POLA1: variants seen among roughly 807,000 people sequenced by gnomAD.
The protein encoded by POLA1 is DNA polymerase alpha catalytic subunit.
Under a neutral mutation model 124.0 loss-of-function variants are expected in POLA1, and 15 were observed. The observed-to-expected ratio is 0.12, with a 90% CI of 0.08 to 0.19. The LOEUF (loss-of-function observed/expected upper bound fraction) is 0.19, where lower values mean the gene tolerates loss of function less well. Among genes scored for constraint, POLA1 ranks in the 10% least tolerant of loss-of-function variants. The pLI, the probability that POLA1 is intolerant of heterozygous loss-of-function variation, is 1.00. For synonymous variants in POLA1, 408 were observed against 389.4 expected, an observed-to-expected ratio of 1.05 and a Z score of -0.56; for missense variants, 886 against 1,103.4, an observed-to-expected ratio of 0.80 and a Z score of 2.79.
At chrX:24,842,466 G>A (rs992818678) in intron 33 of POLA1, among the ~76,000 whole-genome samples, 4 of 112,374 alleles carry the variant, frequency 3.6e-5, no homozygotes, top group African/African-American at 1.3e-4. Flanking sequence ...AAAGGAATAG[G>A]CAGCAGAACT....
chrX:24,928,402 T>C (rs940779963), intron 35 of POLA1, among the ~76,000 whole-genome samples: 8 of 112,243 alleles, frequency 7.1e-5, no homozygotes, highest in African/African-American at 2.3e-4. Flanking sequence ...GCGCTTATTA[T>C]GGGTCAACAG....
chrX:24,775,875 T>G (rs1436636105), intron 26 of POLA1, among the ~76,000 whole-genome samples: 1 of 111,716 alleles, frequency 9.0e-6, no homozygotes, highest in Non-Finnish European at 1.9e-5. Context: ...AACCTTCTAG[T>G]CCAGCCCCCT....
In POLA1 at chrX:24,717,335, G is replaced by T; in HGVS notation, c.752G>T (p.Gly251Val). ...AGTACAGAAGAAGAGCAGGAGTCAG[G>T]GGCAATGGAGTTTGAAGATGGTGAC... ...VESTEEEQES[G>V]AMEFEDGDFD... Residue 251 changes from glycine to valine, a missense_variant, in exon 9 of 37, where the codon GGG becomes GTG. Around this residue, in one of 7 missense-constraint regions of POLA1, gnomAD observed 337 missense variants for 402.8 expected, o/e 0.84. Coordinates refer to ENST00000379068, the MANE Select transcript of POLA1 (RefSeq NM_001330360.2). 1 of 1,210,173 alleles carries T rather than the reference G, an allele frequency of 8.3e-7. No homozygotes were observed. Among genetic ancestry groups the T allele is most frequent in the Non-Finnish European group, 1.1e-6 (1 of 894,347 alleles).
chrX:24,885,993 A>C (rs892369439), intron 34 of POLA1, among the ~76,000 whole-genome samples: 2 of 112,448 alleles, frequency 1.8e-5, no homozygotes, highest in Non-Finnish European at 3.8e-5. Flanking sequence ...TAAATCAAGA[A>C]GATGTTGTAA....
intron 32 of POLA1, among the ~76,000 whole-genome samples, chrX:24,832,760 G>C (rs1312078832): frequency 8.9e-6 from 1 of 111,775 alleles, no homozygotes; most frequent in African/African-American, 3.2e-5. Context: ...TTATATATGT[G>C]TATGAATAAA....
intron 26 of POLA1, among the ~76,000 whole-genome samples, chrX:24,757,936 G>T (rs962999729): frequency 2.7e-5 from 3 of 111,802 alleles, no homozygotes; most frequent in Non-Finnish European, 5.6e-5. Flanking sequence ...ATTTAAGTAA[G>T]TGGCATTTTA....
Position 24,960,411 on chromosome X carries a change from T to A in POLA1, c.4261+29862T>A, listed in dbSNP as rs184733862. On this transcript the variant is annotated intron_variant, in intron 36 of 36. Coordinates refer to ENST00000379068, the MANE Select transcript of POLA1 (RefSeq NM_001330360.2). ...GTGTTAGTGGGCACTCTGAGGAGAT[T>A]GAAGTGGCTTCGAGGACCCAGCCCC... 2.7e-3 allele frequency among the ~76,000 whole-genome samples: 306 copies of A among 111,891 alleles called. 2 individuals are homozygous for A. Among genetic ancestry groups the A allele is most frequent in the African/African-American group, 9.3e-3 (287 of 30,778 alleles).
At chrX:24,710,253 C>A (rs1929312724) in intron 4 of POLA1, among the ~76,000 whole-genome samples, 1 of 111,465 alleles carries the variant, frequency 9.0e-6, no homozygotes, top group Non-Finnish European at 1.9e-5. Flanking sequence ...AATGGAAGCC[C>A]TGTACCCATT....
intron 34 of POLA1, among the ~76,000 whole-genome samples, chrX:24,847,259 C>T (rs986976960): frequency 2.7e-5 from 3 of 111,750 alleles, no homozygotes; most frequent in African/African-American, 9.8e-5. Context: ...ACATTCATCT[C>T]AAGTACTGTT....
chrX:24,791,228 A>C (rs1430729793), intron 26 of POLA1, among the ~76,000 whole-genome samples: 1 of 111,178 alleles, frequency 9.0e-6, no homozygotes, highest in Non-Finnish European at 1.9e-5. Flanking sequence ...GACCTGTGTC[A>C]TCTATCCTCA....
intron 36 of POLA1, among the ~76,000 whole-genome samples, chrX:24,962,584 T>C (rs1261867402): frequency 1.8e-5 from 2 of 111,981 alleles, no homozygotes; most frequent in East Asian, 5.6e-4. Context: ...CTGAGGTTGG[T>C]ACTATAATTA....
intron 32 of POLA1, among the ~76,000 whole-genome samples, chrX:24,829,065 T>C (rs927755859): frequency 3.6e-5 from 4 of 111,348 alleles, no homozygotes; most frequent in Non-Finnish European, 7.5e-5. Flanking sequence ...CTTCAGAAGT[T>C]TCATGTTTTA....
chrX:24,951,992 C>T (rs1007220342), intron 36 of POLA1, among the ~76,000 whole-genome samples: 1 of 111,872 alleles, frequency 8.9e-6, no homozygotes, highest in Non-Finnish European at 1.9e-5. Flanking sequence ...AGTTTCCACT[C>T]GCATGCAAAA....
chrX:24,795,558 G>A (rs1455241362), intron 26 of POLA1, among the ~76,000 whole-genome samples: 1 of 111,525 alleles, frequency 9.0e-6, no homozygotes, highest in Non-Finnish European at 1.9e-5. Flanking sequence ...CTTTATCTGG[G>A]TACAGACATG....
intron 26 of POLA1, among the ~76,000 whole-genome samples, chrX:24,795,662 AT>A (rs35044901): frequency 4.9e-3 from 464 of 93,924 alleles, no homozygotes; most frequent in Middle Eastern, 0.017. Context: ...AGAAAGAAAG[AT>A]TTTTTTTTTT....
At chrX:24,895,067 C>T (rs1241785265) in intron 35 of POLA1, among the ~76,000 whole-genome samples, 1 of 111,242 alleles carries the variant, frequency 9.0e-6, no homozygotes, top group Non-Finnish European at 1.9e-5. Flanking sequence ...AGCCACTGTG[C>T]CCAGCCCCGC....
chrX:24,790,399 C>T (rs1204508607), intron 26 of POLA1, among the ~76,000 whole-genome samples: 1 of 111,970 alleles, frequency 8.9e-6, no homozygotes, highest in African/African-American at 3.2e-5. Context: ...TTTTCATTTA[C>T]TATCCCTTAA....
intron 15 of POLA1, 152 bp from the exon 16 acceptor site, chrX:24,732,218 G>C: frequency 4.7e-6 from 2 of 428,999 alleles, no homozygotes; most frequent in East Asian, 7.9e-5. Context: ...GCCTCTCAGA[G>C]TGCTGGAATT....
At chrX:24,823,366 T>C (rs1193727036) in intron 31 of POLA1, among the ~76,000 whole-genome samples, 1 of 111,232 alleles carries the variant, frequency 9.0e-6, no homozygotes, top group East Asian at 2.8e-4. Context: ...AATGCAGCCA[T>C]ATTTTTAGAA....
Sources: allele counts gnomAD v4.1 joint callset (sites outside exome capture counted in the v4.1 genomes callset), GRCh38; gene constraint gnomAD v4.1.1; regional missense constraint gnomAD v4.1.1; transcripts MANE v1.5; gene names NCBI Gene and HGNC (gene_info 2026-07-23, HGNC 2026-07-21).